The following SLC4A10 variants were observed in gnomAD, a reference collection of about 807,000 sequenced individuals.
SLC4A10 encodes the protein solute carrier family 4 member 10.
In SLC4A10, 42 loss-of-function variants were observed where a neutral mutation model predicts 137.7. The observed-to-expected ratio is 0.30, with a 90% CI of 0.24 to 0.39. The LOEUF (loss-of-function observed/expected upper bound fraction) is 0.39. Ranked by LOEUF, SLC4A10 falls within the 10% of genes least tolerant of loss-of-function variation. The pLI, the probability that SLC4A10 is intolerant of heterozygous loss-of-function variation, is 1.00. For synonymous variants in SLC4A10, 474 were observed against 464.1 expected (o/e 1.02, Z -0.27); for missense variants, 925 against 1,355.0 (o/e 0.68, Z 4.98).
chr2:161,882,901 TG>T (rs2061916106), intron 10 of SLC4A10, among the ~76,000 whole-genome samples: 1 of 152,138 alleles, frequency 6.6e-6, no homozygotes, highest in South Asian at 2.1e-4. Flanking sequence ...CCTGGGAGTC[TG>T]GGGACTATTA....
intron 23 of SLC4A10, among the ~76,000 whole-genome samples, chr2:161,970,210 C>G (rs1698288207): frequency 1.3e-5 from 2 of 152,174 alleles, no homozygotes; most frequent in East Asian, 3.9e-4. Flanking sequence ...TACATGATTA[C>G]TTAGAGACAC....
intron 1 of SLC4A10, among the ~76,000 whole-genome samples, chr2:161,720,837 C>CTT (rs376994491): frequency 1.4e-5 from 2 of 144,120 alleles, no homozygotes; most frequent in South Asian, 2.2e-4. Context: ...TTTTTTTTTT[C>CTT]TTTTTTTTCT....
intron 9 of SLC4A10, among the ~76,000 whole-genome samples, chr2:161,880,168 G>C (rs1034116173): frequency 9.2e-5 from 14 of 152,128 alleles, no homozygotes; most frequent in Admixed American, 9.2e-4. Flanking sequence ...TGTATATTTA[G>C]GGCCCCGTTC....
chr2:161,813,704 A>G (rs947191687), intron 3 of SLC4A10, among the ~76,000 whole-genome samples: 3 of 152,144 alleles, frequency 2.0e-5, no homozygotes, highest in Non-Finnish European at 4.4e-5. Context: ...GAGAAAATAT[A>G]TTTATATCAT....
chr2:161,793,990 A>G (rs973390537), intron 2 of SLC4A10, among the ~76,000 whole-genome samples: 1 of 152,134 alleles, frequency 6.6e-6, no homozygotes, highest in Non-Finnish European at 1.5e-5. Context: ...TTAATCCAAA[A>G]CTATCAGCAT....
At chr2:161,769,021 C>A (rs1396872877) in intron 1 of SLC4A10, among the ~76,000 whole-genome samples, 1 of 151,988 alleles carries the variant, frequency 6.6e-6, no homozygotes, top group Non-Finnish European at 1.5e-5. Flanking sequence ...AATTATAAAT[C>A]TACTCTAACA....
intron 1 of SLC4A10, among the ~76,000 whole-genome samples, chr2:161,681,113 A>T (rs12692641): frequency 6.6e-6 from 1 of 152,080 alleles, no homozygotes; most frequent in Non-Finnish European, 1.5e-5. Context: ...TGAAGTTGAT[A>T]CCACTTACTT....
At chr2:161,659,578 T>C (rs1188208755) in intron 1 of SLC4A10, among the ~76,000 whole-genome samples, 1 of 152,158 alleles carries the variant, frequency 6.6e-6, no homozygotes, top group Non-Finnish European at 1.5e-5. Context: ...CTGAAAGCTA[T>C]TATGCAACAT....
intron 4 of SLC4A10, among the ~76,000 whole-genome samples, chr2:161,850,294 G>A (rs1251501549): frequency 6.6e-6 from 1 of 152,112 alleles, no homozygotes; most frequent in Non-Finnish European, 1.5e-5. Context: ...TGTGATGTGA[G>A]GCAGGAGAAT....
At chr2:161,638,236 G>A (rs1427662725) in intron 1 of SLC4A10, among the ~76,000 whole-genome samples, 2 of 151,994 alleles carry the variant, frequency 1.3e-5, no homozygotes, top group Non-Finnish European at 2.9e-5. Context: ...TCCTCTACAT[G>A]TTTTCTTCTA....
chr2:161,734,745 A>T (rs1173013472), intron 1 of SLC4A10, among the ~76,000 whole-genome samples: 3 of 151,564 alleles, frequency 2.0e-5, no homozygotes, highest in African/African-American at 4.9e-5. Flanking sequence ...CTGTATATAT[A>T]TTTTTTTTCT....
chr2:161,908,920 A>G (rs898591511), intron 15 of SLC4A10, among the ~76,000 whole-genome samples: 1 of 152,028 alleles, frequency 6.6e-6, no homozygotes, highest in African/African-American at 2.4e-5. Flanking sequence ...CAAGGGATTA[A>G]GTAAGACAAA....
At chr2:161,871,682 T>G (rs2061137341) in intron 6 of SLC4A10, among the ~76,000 whole-genome samples, 1 of 152,078 alleles carries the variant, frequency 6.6e-6, no homozygotes, top group Non-Finnish European at 1.5e-5. Flanking sequence ...AGTACCAGTA[T>G]GCTTATATAA....
chr2:161,629,434 G>C (rs542956627), intron 1 of SLC4A10, among the ~76,000 whole-genome samples: 4 of 151,036 alleles, frequency 2.6e-5, no homozygotes, highest in Admixed American at 6.6e-5. Flanking sequence ...ATATAGGTTC[G>C]CAGCAATATT....
At chr2:161,676,769 C>T (rs2040319684) in intron 1 of SLC4A10, among the ~76,000 whole-genome samples, 1 of 151,958 alleles carries the variant, frequency 6.6e-6, no homozygotes, top group African/African-American at 2.4e-5. Flanking sequence ...TAAGTTGCTT[C>T]ACAGAAAAAT....
chr2:161,902,842 C>G lies in SLC4A10; in HGVS notation c.1443-1162C>G, dbSNP rs1375586139. ...AAGGACAGTCCTTTCTGAGATGATT[C>G]TAGGACTGCCAAATGAATATTCCTA... On this transcript the variant is annotated intron_variant, in intron 12 of 26. Coordinates refer to ENST00000446997, the MANE Select transcript of SLC4A10 (RefSeq NM_001178015.2). Among the ~76,000 whole-genome samples, 7 of 152,028 alleles carry G rather than the reference C, an allele frequency of 4.6e-5. No homozygotes were observed. In the South Asian group the frequency reaches 1.2e-3, roughly 27 times the overall value.
At chr2:161,848,439 A>G (rs1270722636) in intron 4 of SLC4A10, among the ~76,000 whole-genome samples, 2 of 152,142 alleles carry the variant, frequency 1.3e-5, no homozygotes, top group East Asian at 3.8e-4. Flanking sequence ...CATCTTCATC[A>G]TGAAGTCTTT....
chr2:161,881,069 T>G (rs1300678811), intron 9 of SLC4A10, among the ~76,000 whole-genome samples: 3 of 151,952 alleles, frequency 2.0e-5, no homozygotes, highest in South Asian at 2.1e-4. Flanking sequence ...GACAAGACTA[T>G]TTAGTTAGGA....
At chr2:161,705,358 A>C (rs1447733912) in intron 1 of SLC4A10, among the ~76,000 whole-genome samples, 1 of 151,530 alleles carries the variant, frequency 6.6e-6, no homozygotes, top group East Asian at 1.9e-4. Flanking sequence ...AAATAAGTGC[A>C]TTGGATCACA....
Sources: allele counts gnomAD v4.1 joint callset (sites outside exome capture counted in the v4.1 genomes callset), GRCh38; gene constraint gnomAD v4.1.1; transcripts MANE v1.5; gene names NCBI Gene and HGNC (gene_info 2026-07-23, HGNC 2026-07-21).